Variants in SUMF1 observed in about 807,000 individuals in gnomAD.
SUMF1 encodes the protein sulfatase modifying factor 1.
SUMF1 carries 48 observed loss-of-function variants against 47.6 expected under a neutral mutation model. The observed-to-expected ratio is 1.01, with a 90% confidence interval of 0.80 to 1.28. The LOEUF is 1.28. Among genes scored for constraint, SUMF1 ranks in the 50% most tolerant of loss-of-function variants. The pLI, the probability that SUMF1 is intolerant of heterozygous loss-of-function variation, is 0.00. For synonymous variants in SUMF1, 230 were observed against 192.1 expected, an observed-to-expected ratio of 1.20 and a Z score of -1.63; for missense variants, 571 against 485.4, an observed-to-expected ratio of 1.18 and a Z score of -1.66.
chr3:4,392,615 G>GTA (rs58350223), intron 7 of SUMF1, among the ~76,000 whole-genome samples: 2,643 of 96,000 alleles, frequency 0.028, 46 homozygotes, highest in African/African-American at 0.061. Context: ...GTGTGTGTGT[G>GTA]TATATATATA....
rs1275010874 is a variant in SUMF1, at chr3:4,121,838, A to C, written c.1015-53093T>G. ...CCCAGTATTAAGCCTAATGCCCATT[A>C]GTTATTTTTCCTGATCCTCTCCTTC... is the stretch of plus-strand genomic sequence containing the variant. On this transcript the variant is annotated intron_variant and NMD_transcript_variant, in intron 8 of 12. Coordinates refer to the SUMF1 transcript ENST00000448413. Among the ~76,000 whole-genome samples, 7 of 152,210 alleles carry C rather than the reference A, an allele frequency of 4.6e-5. No individual in the cohort carries two copies. The East Asian group carries it at 1.4e-3, about 29-fold the overall frequency.
chr3:4,080,836 G>A (rs1214832924), intron 8 of SUMF1, among the ~76,000 whole-genome samples: 1 of 152,136 alleles, frequency 6.6e-6, no homozygotes, highest in Non-Finnish European at 1.5e-5. Flanking sequence ...CTTTCCTGAT[G>A]TCTTTCAAAG....
chr3:4,316,647 G>T (rs759261626), intron 8 of SUMF1: 1 of 1,551,020 alleles, frequency 6.4e-7, no homozygotes, highest in Non-Finnish European at 8.7e-7. Context: ...CAACCACAAC[G>T]AACCATTTCT....
At chr3:4,059,935 C>T (rs1053571839) in intron 9 of SUMF1, among the ~76,000 whole-genome samples, 1 of 151,898 alleles carries the variant, frequency 6.6e-6, no homozygotes, top group African/African-American at 2.4e-5. Context: ...GGTCCTGTAG[C>T]AAGAGGGACC....
chr3:4,310,875 CAA>C (rs1327223936), intron 8 of SUMF1, among the ~76,000 whole-genome samples: 3 of 152,034 alleles, frequency 2.0e-5, no homozygotes, highest in African/African-American at 4.8e-5. Flanking sequence ...AAAAGTTTAA[CAA>C]AGAGATCTTC....
chr3:4,100,780 T>C (rs73129174), intron 8 of SUMF1, among the ~76,000 whole-genome samples: 6,537 of 152,116 alleles, frequency 0.043, 254 homozygotes, highest in African/African-American at 0.094. Flanking sequence ...ATTCAAAATA[T>C]ATAAAGAACT....
chr3:4,223,765 A>C (rs1459722070), intron 8 of SUMF1, among the ~76,000 whole-genome samples: 1 of 152,078 alleles, frequency 6.6e-6, no homozygotes, highest in Non-Finnish European at 1.5e-5. Context: ...GTAATGTTTA[A>C]AGGTCTGAGC....
At chr3:4,165,248 T>C (rs574940611) in intron 8 of SUMF1, among the ~76,000 whole-genome samples, 3 of 152,272 alleles carry the variant, frequency 2.0e-5, no homozygotes, top group African/African-American at 7.2e-5. Context: ...AAGTCGAAGA[T>C]TTGCCCTAGG....
chr3:4,461,892 A>G (rs1359513241), intron 1 of SUMF1, among the ~76,000 whole-genome samples: 1 of 152,226 alleles, frequency 6.6e-6, no homozygotes, highest in Non-Finnish European at 1.5e-5. Flanking sequence ...CTGAAGGTTC[A>G]AATTCAAACA....
chr3:4,188,066 C>T (rs549174955), intron 8 of SUMF1, among the ~76,000 whole-genome samples: 2 of 152,106 alleles, frequency 1.3e-5, no homozygotes, highest in Non-Finnish European at 2.9e-5. Context: ...CACACATGCT[C>T]TTAGCTTCCC....
chr3:4,301,634 T>A (rs938670020), intron 8 of SUMF1, among the ~76,000 whole-genome samples: 1 of 152,186 alleles, frequency 6.6e-6, no homozygotes, highest in Admixed American at 6.5e-5. Flanking sequence ...TCCTTAGCTA[T>A]ATGAGTCTAG....
chr3:4,091,138 G>C (rs1001384267), intron 8 of SUMF1, among the ~76,000 whole-genome samples: 3 of 151,470 alleles, frequency 2.0e-5, no homozygotes, highest in Non-Finnish European at 4.4e-5. Flanking sequence ...TCTTTAAGTA[G>C]AAGTTTGGTG....
chr3:4,175,225 C>A (rs764279455), intron 8 of SUMF1, among the ~76,000 whole-genome samples: 10 of 152,308 alleles, frequency 6.6e-5, no homozygotes, highest in Non-Finnish European at 1.0e-4. Flanking sequence ...GACAGACTGC[C>A]TCCTCAAGTG....
At chr3:4,148,363 A>C (rs990495981) in intron 8 of SUMF1, among the ~76,000 whole-genome samples, 18 of 152,140 alleles carry the variant, frequency 1.2e-4, no homozygotes, top group African/African-American at 4.3e-4. Context: ...TCTTTGCTTC[A>C]GTTTAGTAGG....
intron 8 of SUMF1, among the ~76,000 whole-genome samples, chr3:4,239,021 T>C (rs1696476816): frequency 6.6e-6 from 1 of 152,168 alleles, no homozygotes; most frequent in Non-Finnish European, 1.5e-5. Context: ...ACACCATTTA[T>C]TAAATAGGGA....
chr3:4,063,286 G>C (rs890570462), intron 9 of SUMF1, among the ~76,000 whole-genome samples: 1 of 151,968 alleles, frequency 6.6e-6, no homozygotes, highest in Non-Finnish European at 1.5e-5. Flanking sequence ...CTGAACACAG[G>C]ACCAAGAGCC....
intron 8 of SUMF1, among the ~76,000 whole-genome samples, chr3:4,076,713 A>T (rs2125041632): frequency 6.6e-6 from 1 of 152,302 alleles, no homozygotes. Context: ...TCAAAAGAAG[A>T]CACTGGCCGG....
intron 4 of SUMF1, 117 bp downstream of exon 4, chr3:4,419,947 A>G: frequency 1.2e-6 from 1 of 830,696 alleles, no homozygotes; most frequent in Non-Finnish European, 2.0e-6. Flanking sequence ...AATCAATTAC[A>G]GTTTGTCATT....
intron 9 of SUMF1, among the ~76,000 whole-genome samples, chr3:4,049,426 GACC>G (rs1185815170): frequency 1.3e-5 from 2 of 152,138 alleles, no homozygotes; most frequent in Admixed American, 6.6e-5. Flanking sequence ...TGGCACTAAT[GACC>G]ACCACCACAA....
Sources: gnomAD v4.1 joint callset for allele counts (sites outside exome capture counted in the v4.1 genomes callset) on GRCh38, gnomAD v4.1.1 for gene constraint, MANE v1.5 for transcripts, NCBI Gene and HGNC (gene_info 2026-07-23, HGNC 2026-07-21) for gene names.